NCBP3: variants seen among roughly 807,000 people sequenced by gnomAD.
NCBP3 encodes the protein nuclear cap binding subunit 3.
In NCBP3, 20 loss-of-function variants were observed where a neutral mutation model predicts 75.7. That is an observed-to-expected ratio of 0.26 (90% CI 0.19 to 0.38). The LOEUF is 0.38. Among genes scored for constraint, NCBP3 ranks in the 10% least tolerant of loss-of-function variants. The pLI is 1.00. For synonymous variants in NCBP3, 293 were observed against 290.5 expected, an observed-to-expected ratio of 1.01 and a Z score of -0.09; for missense variants, 678 against 796.9, an observed-to-expected ratio of 0.85 and a Z score of 1.80.
chr17:3,835,597 CAAGT>C (rs2053959661), intron 3 of NCBP3, among the ~76,000 whole-genome samples: 1 of 152,246 alleles, frequency 6.6e-6, no homozygotes, highest in Non-Finnish European at 1.5e-5. Context: ...ATGCTCAACA[CAAGT>C]AAGTACCCAA....
chr17:3,813,202 C>T lies in NCBP3; in HGVS notation c.1705G>A (p.Gly569Ser), dbSNP rs1254553954. 1 of 1,614,130 alleles carries T rather than the reference C, an allele frequency of 6.2e-7. No homozygotes were observed. The highest frequency in any genetic ancestry group is 1.3e-5 in the African/African-American group (1 of 74,950). Residue 569 changes from glycine (G) to serine (S), a missense_variant, in exon 13 of 13, where the codon GGC becomes AGC. Around this residue, in one of 7 missense-constraint regions of NCBP3, gnomAD observed 365 missense variants for 392.7 expected, o/e 0.93. Coordinates refer to ENST00000389005, the MANE Select transcript of NCBP3 (RefSeq NM_001114118.3). ...NTKKVDHRAP[G>S]AEEDDSELQR... Reference sequence around the variant, plus strand: ...AGCTCAGAGTCGTCTTCCTCAGCGCCAGGCGCCCTGTGATCCACTTTCTTC... The same window carrying T: ...AGCTCAGAGTCGTCTTCCTCAGCGCTAGGCGCCCTGTGATCCACTTTCTTC...
At chr17:3,830,083 G>C (rs2053851420) in intron 3 of NCBP3, among the ~76,000 whole-genome samples, 2 of 152,150 alleles carry the variant, frequency 1.3e-5, no homozygotes, top group Non-Finnish European at 2.9e-5. Flanking sequence ...CAGTAAGTAG[G>C]GGAAAGGCTT....
At chr17:3,821,383 A>T in intron 8 of NCBP3, 31 bp from the exon 9 acceptor site, 1 of 1,537,210 alleles carries the variant, frequency 6.5e-7, no homozygotes, top group Non-Finnish European at 9.0e-7. Context: ...GCACACAATC[A>T]AAAACTGATA....
In NCBP3 at chr17:3,842,793, G is replaced by A. The variant is rs2054088944; in HGVS notation, c.249+293C>T. Among the ~76,000 whole-genome samples, 3 of 152,034 alleles carry A rather than the reference G, an allele frequency of 2.0e-5. No homozygotes were observed. The South Asian group carries it at 6.2e-4, about 32-fold the overall frequency. Reference sequence around the variant, plus strand: ...CTTGAGTAGTTGGGACTACAGACCTGTGCTACCACACCCGACTAATTTTTG... The same window carrying A: ...CTTGAGTAGTTGGGACTACAGACCTATGCTACCACACCCGACTAATTTTTG... On this transcript the variant is annotated intron_variant, in intron 2 of 12. Coordinates refer to ENST00000389005, the MANE Select transcript of NCBP3 (RefSeq NM_001114118.3).
chr17:3,839,318 C>T (rs964416470), intron 3 of NCBP3, among the ~76,000 whole-genome samples: 4 of 152,022 alleles, frequency 2.6e-5, no homozygotes, highest in Non-Finnish European at 4.4e-5. Flanking sequence ...GAGTGGTTTA[C>T]ATATATCAGA....
In NCBP3 at chr17:3,811,481, G is replaced by A. The variant is rs569680890; in HGVS notation, c.*1563C>T. 2 of 152,332 alleles carry A rather than the reference G, an allele frequency of 1.3e-5. No individual in the cohort carries two copies. The highest frequency in any genetic ancestry group is 2.9e-5 in the Non-Finnish European group (2 of 68,044). 9.4% of individuals were successfully genotyped at this position (152,332 alleles called of 1,614,324 possible). On this transcript the variant is annotated 3_prime_UTR_variant, in exon 13 of 13. Transcript: ENST00000389005. ...ATCCTCTAATCTCTCTAAAGGGAGG[G>A]AGAAAAAGCAAGGTTAATCAACAAA...
In NCBP3 at chr17:3,818,355, T is replaced by C. The variant is rs2053589075; in HGVS notation, c.1218A>G (p.Leu406=). 1 of 1,614,222 alleles carries C rather than the reference T, an allele frequency of 6.2e-7. No individual in the cohort carries two copies. The change falls in exon 10 of 13, where the codon CTA becomes CTG. Residue 406 remains leucine, a synonymous_variant. Coordinates refer to ENST00000389005, the MANE Select transcript of NCBP3 (RefSeq NM_001114118.3). This position sits in a 1 kb window ranked among gnomAD's most constrained non-coding sequence, Gnocchi z 4.7. Reference sequence around the variant, plus strand: ...AAGGCGTGGAAATCATTTTCAGTTCTAGATCATAGTCCATTTCATCTGAGT... The same window carrying C: ...AAGGCGTGGAAATCATTTTCAGTTCCAGATCATAGTCCATTTCATCTGAGT... ...SSDSDEMDYD[L]ELKMISTPSP...
chr17:3,815,204 C>T (rs560668797), intron 11 of NCBP3, among the ~76,000 whole-genome samples: 120 of 152,288 alleles, frequency 7.9e-4, no homozygotes, highest in South Asian at 2.5e-3. Context: ...CTCTCTACCC[C>T]ACCCCACTCC....
At position 3,804,581 on chromosome 17, in the gene NCBP3, G is replaced by A. The variant is rs1467914042; in HGVS notation, c.*8463C>T. ...CAGAAAGGGCTGCCTGCTGTCTTCA[G>A]AGTGAGTCAAAAGCACTGAGGCACA... is the stretch of plus-strand genomic sequence containing the variant. On this transcript the variant is annotated 3_prime_UTR_variant, in exon 13 of 13. Transcript: ENST00000389005. 3 of 152,254 alleles carry A rather than the reference G, an allele frequency of 2.0e-5. No homozygotes were observed. Among genetic ancestry groups the A allele is most frequent in the Admixed American group, 6.6e-5 (1 of 15,260 alleles). The allele number at this position is 152,254 out of a possible 1,614,324, so 9.4% of individuals were successfully genotyped here. A position where few individuals can be genotyped will look rare whatever the true frequency, so the allele number is the denominator to read the frequency against.
In NCBP3 at chr17:3,818,177, G is replaced by T. The variant is rs1184203508; in HGVS notation, c.1310+86C>A. Reference sequence around the variant, plus strand: ...GGGACTGAAATCAGAATAGATAAAAGATATTATAAAATTAGGAGGAATTAA... The same window carrying T: ...GGGACTGAAATCAGAATAGATAAAATATATTATAAAATTAGGAGGAATTAA... On this transcript the variant is annotated intron_variant, in intron 10 of 12. Transcript: ENST00000389005. The surrounding 1 kb of genome is among the most constrained non-coding windows in gnomAD (Gnocchi z 4.7). The T allele has an allele frequency of 1.9e-6, 2 of 1,051,738 alleles. No homozygotes were observed. Among genetic ancestry groups the T allele is most frequent in the Non-Finnish European group, 1.3e-6 (1 of 741,672 alleles). 65.2% of individuals were successfully genotyped at this position (1,051,738 alleles called of 1,614,324 possible). A position where few individuals can be genotyped will look rare whatever the true frequency, so the allele number is the denominator to read the frequency against.
intron 3 of NCBP3, among the ~76,000 whole-genome samples, chr17:3,830,051 A>G (rs1007855734): frequency 1.8e-4 from 27 of 152,246 alleles, no homozygotes; most frequent in Middle Eastern, 3.4e-3. Flanking sequence ...GATATCTTAC[A>G]TCTTTTAGTG....
At chr17:3,835,838 T>G (rs2053963556) in intron 3 of NCBP3, among the ~76,000 whole-genome samples, 1 of 152,216 alleles carries the variant, frequency 6.6e-6, no homozygotes, top group South Asian at 2.1e-4. Flanking sequence ...GAGTCACTCT[T>G]GATGCAGGAC....
intron 3 of NCBP3, among the ~76,000 whole-genome samples, chr17:3,832,623 G>T (rs1202035882): frequency 3.4e-5 from 5 of 148,554 alleles, no homozygotes; most frequent in Non-Finnish European, 6.0e-5. Flanking sequence ...AGAGCGAGAG[G>T]CCATCTCAAA....
intron 3 of NCBP3, among the ~76,000 whole-genome samples, chr17:3,838,772 G>A (rs1353617203): frequency 5.3e-5 from 8 of 152,108 alleles, no homozygotes; most frequent in Admixed American, 1.3e-4. Context: ...ATAAAATAGG[G>A]ATAAAAATAA....
At chr17:3,834,549 G>A (rs2053942219) in intron 3 of NCBP3, among the ~76,000 whole-genome samples, 2 of 152,242 alleles carry the variant, frequency 1.3e-5, no homozygotes, top group African/African-American at 4.8e-5. Context: ...GCCGAGGCGG[G>A]CAGATCACCT....
In NCBP3 at chr17:3,806,123, G is replaced by T. The variant is rs1054532291; in HGVS notation, c.*6921C>A. 1 of 149,088 alleles carries T rather than the reference G, an allele frequency of 6.7e-6. No homozygotes were observed. The highest frequency in any genetic ancestry group is 1.5e-5 in the Non-Finnish European group (1 of 68,080). 9.2% of individuals were successfully genotyped at this position (149,088 alleles called of 1,614,324 possible). ...AGACGGAGTCTCGCTCTGTCGCCCA[G>T]GCTGGAGCGCAGTGGCGCGATCTCA... On this transcript the variant is annotated 3_prime_UTR_variant, in exon 13 of 13. Transcript: ENST00000389005.
chr17:3,821,481 G>T (rs1310069713), intron 8 of NCBP3, 129 bp from the exon 9 acceptor site: 13 of 689,116 alleles, frequency 1.9e-5, no homozygotes, highest in Non-Finnish European at 3.2e-5. Context: ...GAAGTGCAAT[G>T]GCACCATCTC....
At chr17:3,832,790 A>T (rs11657322) in intron 3 of NCBP3, among the ~76,000 whole-genome samples, 100,385 of 152,000 alleles carry the variant, frequency 0.66, 34,318 homozygotes, top group Non-Finnish European at 0.76. Flanking sequence ...AACAAAAAAA[A>T]TTTACAAACA....
In NCBP3 at chr17:3,812,751, T is replaced by A; in HGVS notation, c.*293A>T. The A allele has an allele frequency of 8.2e-7, 1 of 1,221,616 alleles. No homozygotes were observed. Among genetic ancestry groups the A allele is most frequent in the East Asian group, 4.6e-5 (1 of 21,646 alleles). 75.7% of individuals were successfully genotyped at this position (1,221,616 alleles called of 1,614,324 possible). A position where few individuals can be genotyped will look rare whatever the true frequency, so the allele number is the denominator to read the frequency against. On this transcript the variant is annotated 3_prime_UTR_variant, in exon 13 of 13. Transcript: ENST00000389005. ...TTAAAAGACACAATGTTAAAAATAT[T>A]AAGAAAAATGTCTACAAAATCTGGA...
Sources: allele counts gnomAD v4.1 joint callset (sites outside exome capture counted in the v4.1 genomes callset), GRCh38; gene constraint gnomAD v4.1.1; regional missense constraint gnomAD v4.1.1; non-coding constraint Gnocchi (gnomAD v3.1); transcripts MANE v1.5; gene names NCBI Gene and HGNC (gene_info 2026-07-23, HGNC 2026-07-21).